Variants in KCND2 observed in about 807,000 individuals in gnomAD.
The protein encoded by KCND2 is potassium voltage-gated channel subfamily D member 2.
In KCND2, 16 loss-of-function variants were observed where a neutral mutation model predicts 54.4. The ratio of observed to expected loss-of-function variants is 0.29; its 90% CI spans 0.20 to 0.45. KCND2 has a LOEUF of 0.45. Among genes scored for constraint, KCND2 ranks in the 20% least tolerant of loss-of-function variants. The pLI is 1.00. For synonymous variants in KCND2, 317 were observed against 310.7 expected (o/e 1.02, Z -0.21); for missense variants, 486 against 824.2 (o/e 0.59, Z 5.02).
At chr7:120,679,311 C>T (rs888365875) in intron 1 of KCND2, among the ~76,000 whole-genome samples, 1 of 151,636 alleles carries the variant, frequency 6.6e-6, no homozygotes, top group Non-Finnish European at 1.5e-5. Flanking sequence ...CATTTTTAGG[C>T]TTCTAATATT....
chr7:120,677,263 G>A (rs1792073025), intron 1 of KCND2, among the ~76,000 whole-genome samples: 1 of 152,142 alleles, frequency 6.6e-6, no homozygotes, highest in African/African-American at 2.4e-5. Context: ...GAAATGCAAA[G>A]TATTTGCATG....
chr7:120,382,659 T>G (rs986082689), intron 1 of KCND2, among the ~76,000 whole-genome samples: 4 of 151,812 alleles, frequency 2.6e-5, no homozygotes, highest in Admixed American at 6.6e-5. Context: ...CTTGAGTATA[T>G]TTTCCTACTC....
intron 1 of KCND2, among the ~76,000 whole-genome samples, chr7:120,610,546 G>A (rs1229365748): frequency 6.6e-6 from 1 of 151,998 alleles, no homozygotes; most frequent in Non-Finnish European, 1.5e-5. Context: ...TCCAGTGTGG[G>A]GTAGGACCTG....
At chr7:120,426,619 TCGCTCTGTCGCCCAGGCTGGAG>T (rs1801711304) in intron 1 of KCND2, among the ~76,000 whole-genome samples, 2 of 128,840 alleles carry the variant, frequency 1.6e-5, no homozygotes, top group East Asian at 2.5e-4. Context: ...AGATGGAGTC[TCGCTCTGTCGCCCAGGCTGGAG>T]TGCAGTGGCG....
intron 1 of KCND2, among the ~76,000 whole-genome samples, chr7:120,527,889 T>A (rs975901055): frequency 7.9e-5 from 12 of 152,076 alleles, no homozygotes; most frequent in Non-Finnish European, 1.8e-4. Flanking sequence ...ATAGGCTAAG[T>A]CATAGATCCC....
chr7:120,298,191 A>G (rs956514795), intron 1 of KCND2, among the ~76,000 whole-genome samples: 6 of 152,194 alleles, frequency 3.9e-5, no homozygotes, highest in Admixed American at 3.3e-4. Flanking sequence ...ATTAACTTAC[A>G]CAGACATACA....
chr7:120,386,433 A>G (rs1263670246), intron 1 of KCND2, among the ~76,000 whole-genome samples: 3 of 152,062 alleles, frequency 2.0e-5, no homozygotes, highest in Non-Finnish European at 4.4e-5. Context: ...TTGGAACTCA[A>G]CAGACATTTT....
chr7:120,746,518 C>CAGAA, intron 5 of KCND2, among the ~76,000 whole-genome samples: 1 of 152,160 alleles, frequency 6.6e-6, no homozygotes, highest in Non-Finnish European at 1.5e-5. Context: ...TAATTTTGAT[C>CAGAA]AGAAAGGTAT....
At chr7:120,546,288 C>G (rs58332446) in intron 1 of KCND2, among the ~76,000 whole-genome samples, 1 of 151,744 alleles carries the variant, frequency 6.6e-6, no homozygotes, top group South Asian at 2.1e-4. Flanking sequence ...GGAGTGGCAA[C>G]GTGGAGATAA....
chr7:120,292,736 A>G (rs4730955), intron 1 of KCND2, among the ~76,000 whole-genome samples: 106,477 of 151,754 alleles, frequency 0.7, 41,950 homozygotes, highest in South Asian at 0.92. Flanking sequence ...TTAGGTATTA[A>G]GAGGTTAAAC....
At chr7:120,454,572 A>AC (rs1213446579) in intron 1 of KCND2, among the ~76,000 whole-genome samples, 4 of 152,152 alleles carry the variant, frequency 2.6e-5, no homozygotes, top group Non-Finnish European at 5.9e-5. Context: ...AAGCTTACCA[A>AC]CCGGAAAAAA....
Position 120,657,509 on chromosome 7 carries a change from G to T in KCND2, c.1116-75394G>T, listed in dbSNP as rs559721866. ...TCACACAAAAGATTGAACTATTTGCGTACATGCTAGTGTGAAATAGCCTTA... is the reference window on the plus strand; with the variant it reads ...TCACACAAAAGATTGAACTATTTGCTTACATGCTAGTGTGAAATAGCCTTA... On this transcript the variant is annotated intron_variant, in intron 1 of 5. Transcript: ENST00000331113. Among the ~76,000 whole-genome samples, 50 of 152,112 alleles carry T rather than the reference G, an allele frequency of 3.3e-4. 1 individual carries two copies. In the South Asian group the frequency reaches 0.01, roughly 31 times the overall value.
intron 1 of KCND2, among the ~76,000 whole-genome samples, chr7:120,532,675 C>T (rs886231805): frequency 3.3e-5 from 5 of 151,528 alleles, no homozygotes; most frequent in African/African-American, 1.2e-4. Flanking sequence ...TACCAAAAAA[C>T]CATTAAAATA....
intron 1 of KCND2, among the ~76,000 whole-genome samples, chr7:120,310,003 T>G (rs952227225): frequency 6.6e-6 from 1 of 152,196 alleles, no homozygotes; most frequent in African/African-American, 2.4e-5. Context: ...AATCTCAGTT[T>G]TTACTTCTTC....
intron 1 of KCND2, among the ~76,000 whole-genome samples, chr7:120,578,889 A>T (rs1408863807): frequency 2.0e-5 from 3 of 150,504 alleles, no homozygotes; most frequent in African/African-American, 7.4e-5. Context: ...CTGCACTCCA[A>T]CCTGGGTGAC....
At chr7:120,611,055 A>G (rs1345952705) in intron 1 of KCND2, among the ~76,000 whole-genome samples, 6 of 152,160 alleles carry the variant, frequency 3.9e-5, no homozygotes, top group Non-Finnish European at 1.5e-5. Context: ...AAGGGAGGAT[A>G]ATTGCTTACT....
chr7:120,725,885 A>G (rs1181841632), intron 1 of KCND2, among the ~76,000 whole-genome samples: 1 of 151,938 alleles, frequency 6.6e-6, no homozygotes, highest in Non-Finnish European at 1.5e-5. Context: ...GAGTTCCCTG[A>G]CTCCCTTGAA....
chr7:120,695,593 GA>G (rs1792323262), intron 1 of KCND2, among the ~76,000 whole-genome samples: 3 of 152,098 alleles, frequency 2.0e-5, no homozygotes, highest in Non-Finnish European at 4.4e-5. Flanking sequence ...GCCTTCAAGT[GA>G]AACTATAATG....
At chr7:120,469,505 G>T (rs1802423579) in intron 1 of KCND2, among the ~76,000 whole-genome samples, 2 of 152,082 alleles carry the variant, frequency 1.3e-5, no homozygotes, top group African/African-American at 2.4e-5. Context: ...AGTCTAACAG[G>T]ACTAATGTTG....
Sources: allele counts gnomAD v4.1 joint callset (sites outside exome capture counted in the v4.1 genomes callset), GRCh38; gene constraint gnomAD v4.1.1; transcripts MANE v1.5; gene names NCBI Gene and HGNC (gene_info 2026-07-23, HGNC 2026-07-21).